Variants in MTG1 observed in about 807,000 individuals in gnomAD.
The protein encoded by MTG1 is mitochondrial ribosome-associated GTPase 1.
MTG1 carries 30 observed loss-of-function variants against 39.5 expected under a neutral mutation model. The observed-to-expected ratio is 0.76, with a 90% CI of 0.57 to 1.03. The LOEUF (loss-of-function observed/expected upper bound fraction) is 1.03, where lower values mean the gene tolerates loss of function less well. Among genes scored for constraint, MTG1 ranks in the 50% least tolerant of loss-of-function variants. MTG1 has a pLI of 0.00. For synonymous variants in MTG1, 217 were observed against 179.0 expected (o/e 1.21, Z -1.69); for missense variants, 513 against 447.4 (o/e 1.15, Z -1.32).
chr10:133,399,879 C>CT, intron 6 of MTG1: 1 of 447,334 alleles, frequency 2.2e-6, no homozygotes. Flanking sequence ...CTTTTCTAAA[C>CT]TTTGATATTT....
At chr10:133,413,597 G>A (rs1056122465) in intron 9 of MTG1, among the ~76,000 whole-genome samples, 4 of 152,062 alleles carry the variant, frequency 2.6e-5, no homozygotes, top group African/African-American at 9.7e-5. Flanking sequence ...GCCTCTTTAG[G>A]ATTGAATATT....
rs1564824363 is a variant in MTG1 at position 133,419,582 on chromosome 10, C to CA, written c.856dup (p.Thr286AsnfsTer5). ...GGAAGACGCAGAAGGTGAAGGTGCT[C>CA]ACGGGCACGGGTGAGTGAGGTCGCT... On this transcript the variant is annotated frameshift_variant, in exon 10 of 11. Coordinates refer to ENST00000317502, the MANE Select transcript of MTG1 (RefSeq NM_138384.4). LOFTEE classifies it low-confidence loss of function (END_TRUNC). 1.9e-6 allele frequency: 3 copies of CA among 1,602,318 alleles called. No individual in the cohort carries two copies. Among genetic ancestry groups the CA allele is most frequent in the South Asian group, 1.1e-5 (1 of 88,970 alleles).
Position 133,411,979 on chromosome 10 carries a change from C to T in MTG1, c.753-7501C>T, listed in dbSNP as rs147220110. On this transcript the variant is annotated intron_variant, in intron 9 of 10. Transcript: ENST00000317502. ...TTGCTTTGTCTGTTTGAGAAGGTCG[C>T]GGTTTTCCGTTAGCTGTTGTTTCTT... 1.5e-3 allele frequency among the ~76,000 whole-genome samples: 221 copies of T among 151,960 alleles called. 7 individuals are homozygous for T. In the East Asian group the frequency reaches 0.031, roughly 21 times the overall value.
In MTG1 at chr10:133,420,074, T is replaced by G. The variant is rs1564824612; in HGVS notation, c.914T>G (p.Phe305Cys). Reference sequence around the variant, plus strand: ...AACTATCCTGCGGCAGCCCGTGACTTCCTGCAGACTTTCCGCCGTGGGCTG... The same window carrying G: ...AACTATCCTGCGGCAGCCCGTGACTGCCTGCAGACTTTCCGCCGTGGGCTG... ...QPNYPAAARD[F>C]LQTFRRGLLG... The change falls in exon 11 of 11, where the codon TTC becomes TGC. Residue 305 changes from phenylalanine to cysteine, a missense_variant. Phe to Cys is a radical substitution (Grantham distance 205). Coordinates refer to ENST00000317502, the MANE Select transcript of MTG1 (RefSeq NM_138384.4). 2.5e-6 allele frequency: 4 copies of G among 1,613,478 alleles called. No individual in the cohort carries two copies. The highest frequency in any genetic ancestry group is 2.5e-6 in the Non-Finnish European group (3 of 1,179,696).
intron 9 of MTG1, among the ~76,000 whole-genome samples, chr10:133,405,349 AGGGTAATT>A (rs1849954719): frequency 6.6e-6 from 1 of 152,240 alleles, no homozygotes; most frequent in Admixed American, 6.5e-5. Context: ...TGATCAGATC[AGGGTAATT>A]GGGATATCCA....
intron 1 of MTG1, chr10:133,394,696 T>C: frequency 9.3e-7 from 1 of 1,078,136 alleles, no homozygotes; most frequent in Non-Finnish European, 1.1e-6. Flanking sequence ...AGATAGACTT[T>C]TCTGAGTCTT....
Position 133,398,493 on chromosome 10 carries a change from TA to T in MTG1, c.344del (p.Lys115ArgfsTer15). ...AAAAATGTCATTTTTACCAACTGTG[TA>T]AAGGATGAAAATGTCAAGCAGGTAG... is the stretch of plus-strand genomic sequence containing the variant. The part of the protein sequence containing the change: ...GLKNVIFTNC[V>X]KDENVKQIIP... On this transcript the variant is annotated frameshift_variant, in exon 4 of 11. Transcript: ENST00000317502. LOFTEE classifies it high-confidence loss of function. 6.2e-7 allele frequency: 1 copy of T among 1,613,750 alleles called. No homozygotes were observed. Among genetic ancestry groups the T allele is most frequent in the Middle Eastern group, 1.7e-4 (1 of 6,060 alleles).
intron 1 of MTG1, chr10:133,394,845 C>A: frequency 1.5e-6 from 1 of 671,196 alleles, no homozygotes; most frequent in Non-Finnish European, 1.8e-6. Context: ...CTGGGGCCAG[C>A]CCAGCCCGTC....
intron 9 of MTG1, among the ~76,000 whole-genome samples, chr10:133,419,117 C>G (rs1850183024): frequency 6.6e-6 from 1 of 152,232 alleles, no homozygotes; most frequent in Non-Finnish European, 1.5e-5. Flanking sequence ...TTTCCAGGAC[C>G]TGGGCCTGCA....
At position 133,396,165 on chromosome 10, in the gene MTG1, C is replaced by T; in HGVS notation, c.180C>T (p.Ile60=). The T allele has an allele frequency of 1.2e-6, 2 of 1,613,742 alleles. No homozygotes were observed. Among genetic ancestry groups the T allele is most frequent in the Non-Finnish European group, 1.7e-6 (2 of 1,179,714 alleles). ...AATTTTTACCTTAATTTTGCCACAT[C>T]CCACTTTCAGGCCGCAACCCTCTGT... is the stretch of plus-strand genomic sequence containing the variant. ...DCIIEVHDAR[I]PLSGRNPLFQ... is the part of the protein sequence containing the mutation. The change falls in exon 3 of 11, where the codon ATC becomes ATT. Residue 60 remains isoleucine, a splice_region_variant and synonymous_variant. Transcript: ENST00000317502.
In MTG1 at chr10:133,399,524, C is replaced by T. The variant is rs369089744; in HGVS notation, c.421-5C>T. Reference sequence around the variant, plus strand: ...GCCCTGTGACCCCTCTCTCTGCCTGCGCAGAACCTGGAGTACTGTATCATG... The same window carrying T: ...GCCCTGTGACCCCTCTCTCTGCCTGTGCAGAACCTGGAGTACTGTATCATG... On this transcript the variant is annotated splice_region_variant and splice_polypyrimidine_tract_variant and intron_variant, in intron 5 of 10. Coordinates refer to ENST00000317502, the MANE Select transcript of MTG1 (RefSeq NM_138384.4). 84 of 1,613,712 alleles carry T rather than the reference C, an allele frequency of 5.2e-5. No individual in the cohort carries two copies. The African/African-American group carries it at 8.3e-4, about 16-fold the overall frequency.
rs764848239 is a variant in MTG1 at position 133,402,754 on chromosome 10, A to G, written c.733A>G (p.Asn245Asp). Residue 245 changes from asparagine (N) to aspartate (D), a missense_variant, in exon 9 of 11, where the codon AAC (asparagine) becomes GAC (aspartate). Asn to Asp is a conservative substitution (Grantham distance 23). Transcript: ENST00000317502. The surrounding 1 kb of genome is among the most constrained non-coding windows in gnomAD (Gnocchi z 4.7). ...TMADYLLYTL[N>D]KHQRFGYVQH... Reference sequence around the variant, plus strand: ...GGCTGACTACCTGCTGTACACCCTCAACAAACACCAGCGCTTTGGGTGAGT... The same window carrying G: ...GGCTGACTACCTGCTGTACACCCTCGACAAACACCAGCGCTTTGGGTGAGT... The G allele has an allele frequency of 1.2e-6, 2 of 1,607,036 alleles. No individual in the cohort carries two copies. Among genetic ancestry groups the G allele is most frequent in the Non-Finnish European group, 1.7e-6 (2 of 1,177,104 alleles).
intron 9 of MTG1, among the ~76,000 whole-genome samples, chr10:133,404,594 G>A (rs1274562049): frequency 6.6e-6 from 1 of 152,150 alleles, no homozygotes. Flanking sequence ...CTTTTCCAGA[G>A]TACTCTTGTT....
At chr10:133,404,114 T>C (rs961771508) in intron 9 of MTG1, among the ~76,000 whole-genome samples, 2 of 149,318 alleles carry the variant, frequency 1.3e-5, no homozygotes, top group African/African-American at 4.9e-5. Flanking sequence ...TCTTTCCTTA[T>C]TGCTAAGTTT....
At chr10:133,395,565 T>A in intron 1 of MTG1, 148 bp from the exon 2 acceptor site, 7 of 743,328 alleles carry the variant, frequency 9.4e-6, no homozygotes, top group Non-Finnish European at 1.6e-5. Flanking sequence ...CAGCGGATGT[T>A]ATCTGTTACC....
chr10:133,417,724 T>C (rs1037439699), intron 9 of MTG1, among the ~76,000 whole-genome samples: 63 of 152,256 alleles, frequency 4.1e-4, no homozygotes, highest in Admixed American at 1.6e-3. Context: ...AGCATTCTTA[T>C]ACACCAATAA....
chr10:133,402,148 G>C lies in MTG1; in HGVS notation c.574-1G>C. 1.2e-6 allele frequency: 2 copies of C among 1,614,058 alleles called. No homozygotes were observed. Among genetic ancestry groups the C allele is most frequent in the African/African-American group, 1.3e-5 (1 of 75,044 alleles). On this transcript the variant is annotated splice_acceptor_variant, in intron 7 of 10. Transcript: ENST00000317502. LOFTEE classifies it high-confidence loss of function. This position sits in a 1 kb window ranked among gnomAD's most constrained non-coding sequence, Gnocchi z 4.7. ...TGATCATGCCCTCTGTGCCCACACA[G>C]GTCTCTGAGCGGCCCCTGATGTTCC...
At chr10:133,410,755 G>C (rs1452084547) in intron 9 of MTG1, among the ~76,000 whole-genome samples, 2 of 152,226 alleles carry the variant, frequency 1.3e-5, no homozygotes, top group African/African-American at 2.4e-5. Context: ...CTGGGTGACA[G>C]AGTGAGACCC....
At position 133,420,341 on chromosome 10, in the gene MTG1, G is replaced by A. The variant is rs1210232237; in HGVS notation, c.*176G>A. The A allele has an allele frequency of 5.8e-6, 4 of 688,140 alleles. No homozygotes were observed. In the East Asian group the frequency reaches 1.2e-4, roughly 21 times the overall value. The allele number at this position is 688,140 out of a possible 1,614,324, so 42.6% of individuals were successfully genotyped here. ...CAGGGACCCCAGTTGCAGGGCCCAAGCAGGTGGGAGTGGACACCAGGCTTC... is the reference window on the plus strand; with the variant it reads ...CAGGGACCCCAGTTGCAGGGCCCAAACAGGTGGGAGTGGACACCAGGCTTC... On this transcript the variant is annotated 3_prime_UTR_variant, in exon 11 of 11. Transcript: ENST00000317502.
Sources: allele counts gnomAD v4.1 joint callset (sites outside exome capture counted in the v4.1 genomes callset), GRCh38; gene constraint gnomAD v4.1.1; non-coding constraint Gnocchi (gnomAD v3.1); transcripts MANE v1.5; gene names NCBI Gene and HGNC (gene_info 2026-07-23, HGNC 2026-07-21).